The following HPSE variants were observed in gnomAD, a reference collection of about 807,000 sequenced individuals.
The protein encoded by HPSE is endo-glucoronidase.
HPSE carries 48 observed loss-of-function variants against 65.1 expected under a neutral mutation model. The ratio of observed to expected loss-of-function variants is 0.74; its 90% CI spans 0.58 to 0.94. The LOEUF (loss-of-function observed/expected upper bound fraction) is 0.94. Ranked by LOEUF, HPSE falls within the 40% of genes least tolerant of loss-of-function variation. HPSE has a pLI of 0.00. For synonymous variants in HPSE, 243 were observed against 260.0 expected (o/e 0.93, Z 0.63); for missense variants, 644 against 637.5 (o/e 1.01, Z -0.11).
rs1560504779 is a variant in HPSE at position 83,302,275 on chromosome 4, GTGGTGGT to G, written c.1207-14_1207-8del. ...GAAGAGATAGCCAATAATCCTAGTT[GTGGTGGT>G]TGGGGAGAAAGAGACAAAAATAGAT... On this transcript the variant is annotated splice_polypyrimidine_tract_variant and splice_region_variant and intron_variant, in intron 9 of 11. Coordinates refer to ENST00000311412, the MANE Select transcript of HPSE (RefSeq NM_001098540.3). The G allele has an allele frequency of 6.3e-7, 1 of 1,580,730 alleles. No homozygotes were observed. The highest frequency in any genetic ancestry group is 2.2e-5 in the East Asian group (1 of 44,660).
At chr4:83,302,420 T>TC (rs1304182035) in intron 9 of HPSE, 152 bp from the exon 10 acceptor site, 5 of 555,512 alleles carry the variant, frequency 9.0e-6, no homozygotes, top group Non-Finnish European at 9.6e-6. Context: ...TTTTTTTTTT[T>TC]CCCCTCACAT....
chr4:83,298,615 C>T (rs1463755098), intron 11 of HPSE, among the ~76,000 whole-genome samples: 1 of 151,934 alleles, frequency 6.6e-6, no homozygotes, highest in African/African-American at 2.4e-5. Context: ...ATCACTTGAG[C>T]TTAGGAGTTT....
At chr4:83,309,092 C>G in intron 7 of HPSE, 141 bp from the exon 8 acceptor site, 2 of 666,994 alleles carry the variant, frequency 3.0e-6, no homozygotes, top group South Asian at 4.0e-5. Flanking sequence ...TGTTCATAGT[C>G]ATTTAGGTCT....
intron 8 of HPSE, among the ~76,000 whole-genome samples, chr4:83,308,495 C>T (rs1736235221): frequency 6.6e-6 from 1 of 152,200 alleles, no homozygotes; most frequent in African/African-American, 2.4e-5. Context: ...AATCCTCCCA[C>T]CTTGGCCTCC....
At chr4:83,307,987 T>C (rs115264510) in intron 8 of HPSE, among the ~76,000 whole-genome samples, 2,398 of 152,316 alleles carry the variant, frequency 0.016, 71 homozygotes, top group African/African-American at 0.055. Context: ...ATAGCCCCTC[T>C]GGTGGGACCT....
chr4:83,320,709 T>G (rs1344980179), intron 2 of HPSE, among the ~76,000 whole-genome samples: 1 of 152,222 alleles, frequency 6.6e-6, no homozygotes, highest in East Asian at 1.9e-4. Context: ...AGCTGCACAC[T>G]GACTCGCTGG....
At chr4:83,331,412 T>C (rs1737366950) in intron 1 of HPSE, among the ~76,000 whole-genome samples, 1 of 152,196 alleles carries the variant, frequency 6.6e-6, no homozygotes, top group African/African-American at 2.4e-5. Flanking sequence ...ACCTTTTTAA[T>C]ATGGCTACTA....
At chr4:83,319,839 T>A (rs577904475) in intron 2 of HPSE, among the ~76,000 whole-genome samples, 1 of 152,066 alleles carries the variant, frequency 6.6e-6, no homozygotes, top group African/African-American at 2.4e-5. Flanking sequence ...GATGGGCGAA[T>A]CACTTGAGGT....
chr4:83,302,486 G>A (rs1317058374), intron 9 of HPSE, among the ~76,000 whole-genome samples: 1 of 151,460 alleles, frequency 6.6e-6, no homozygotes, highest in Admixed American at 6.6e-5. Flanking sequence ...ATCACTGGAG[G>A]ACACAATTCA....
At chr4:83,328,597 A>T (rs1578028453) in intron 1 of HPSE, among the ~76,000 whole-genome samples, 1 of 152,356 alleles carries the variant, frequency 6.6e-6, no homozygotes, top group Admixed American at 6.5e-5. Flanking sequence ...CCAACAAAGG[A>T]AGGCCATTGA....
rs1737547718 is a variant in HPSE at position 83,334,724 on chromosome 4, G to C, written c.59C>G (p.Pro20Arg). ...GGCGCCAGGGGAGAGGGGACCCAGCGGCCCCAGGAGCAGCAGCATCAGCGG... is the reference window on the plus strand; with the variant it reads ...GGCGCCAGGGGAGAGGGGACCCAGCCGCCCCAGGAGCAGCAGCATCAGCGG... ...PPPLMLLLLG[P>R]LGPLSPGALP... is the part of the protein sequence containing the mutation. The change falls in exon 1 of 12, where the codon CCG (proline) becomes CGG (arginine). Residue 20 changes from proline (P) to arginine (R), a missense_variant. Coordinates refer to ENST00000311412, the MANE Select transcript of HPSE (RefSeq NM_001098540.3). 1.3e-6 allele frequency: 2 copies of C among 1,563,326 alleles called. No individual in the cohort carries two copies. Among genetic ancestry groups the C allele is most frequent in the Admixed American group, 3.8e-5 (2 of 52,612 alleles).
Position 83,319,434 on chromosome 4 carries a change from CCA to C in HPSE, c.407_408del (p.Val136GlyfsTer67), listed in dbSNP as rs1560512598. 1 of 1,613,788 alleles carries C rather than the reference CCA, an allele frequency of 6.2e-7. No individual in the cohort carries two copies. The highest frequency in any genetic ancestry group is 2.2e-5 in the East Asian group (1 of 44,868). ...ICKYGSIPPD[V>X]EEKLRLEWPY... is the part of the protein sequence containing the mutation. ...GGCCATTCCAACCGTAACTTCTCCT[CCA>C]CATCAGGAGGGATGGATCCATATTT... On this transcript the variant is annotated frameshift_variant, in exon 3 of 12. Transcript: ENST00000311412. LOFTEE classifies it high-confidence loss of function.
chr4:83,307,706 G>A (rs1736195014), intron 8 of HPSE, among the ~76,000 whole-genome samples: 1 of 152,084 alleles, frequency 6.6e-6, no homozygotes, highest in East Asian at 1.9e-4. Context: ...CAGATCTTTA[G>A]TTAATGGCAA....
chr4:83,293,733 C>A lies in HPSE; in HGVS notation c.*1611G>T, dbSNP rs1327861520. 1 of 152,220 alleles carries A rather than the reference C, an allele frequency of 6.6e-6. No homozygotes were observed. The highest frequency in any genetic ancestry group is 2.4e-5 in the African/African-American group (1 of 41,446). The allele number at this position is 152,220 out of a possible 1,614,324, so 9.4% of individuals were successfully genotyped here. A position where few individuals can be genotyped will look rare whatever the true frequency, so the allele number is the denominator to read the frequency against. ...TTAAGTTTACAGAATCTCCTCGCCT[C>A]TGAATTGTCATTAACCATTTTTTAT... On this transcript the variant is annotated 3_prime_UTR_variant, in exon 12 of 12. Coordinates refer to ENST00000311412, the MANE Select transcript of HPSE (RefSeq NM_001098540.3).
At chr4:83,318,362 C>T (rs377375692) in intron 3 of HPSE, among the ~76,000 whole-genome samples, 23 of 152,014 alleles carry the variant, frequency 1.5e-4, no homozygotes, top group African/African-American at 4.6e-4. Flanking sequence ...TGGTGGCTCA[C>T]GCCTGTAATC....
At chr4:83,322,166 C>T in intron 2 of HPSE, 53 bp downstream of exon 2, 2 of 1,497,846 alleles carry the variant, frequency 1.3e-6, no homozygotes, top group South Asian at 2.3e-5. Context: ...AAAGCATTCT[C>T]ATGACGGACT....
At chr4:83,309,604 T>TAAA in intron 6 of HPSE, 109 bp from the exon 7 acceptor site, 1 of 680,566 alleles carries the variant, frequency 1.5e-6, no homozygotes, top group Admixed American at 3.0e-5. Context: ...CACCTGTTAC[T>TAAA]AAAAAAAGGT....
In HPSE at chr4:83,313,192, ACT is replaced by A. The variant is rs1404739486; in HGVS notation, c.593_594del (p.Gln198LeufsTer5). On this transcript the variant is annotated frameshift_variant, in exon 4 of 12. Coordinates refer to ENST00000311412, the MANE Select transcript of HPSE (RefSeq NM_001098540.3). LOFTEE classifies it high-confidence loss of function. Reference sequence around the variant, plus strand: ...AGCAACTGAGCATTAGAACTGTTCCACTGCAAATCTGCTGTTCTTAATAACGC... The same window carrying A: ...AGCAACTGAGCATTAGAACTGTTCCAGCAAATCTGCTGTTCTTAATAACGC... Reference protein sequence around the residue: ...LNALLRTADLQWNSSNAQLLL... With the variant: ...LNALLRTADLXWNSSNAQLLL... 3.7e-6 allele frequency: 6 copies of A among 1,613,824 alleles called. No individual in the cohort carries two copies. The highest frequency in any genetic ancestry group is 5.1e-6 in the Non-Finnish European group (6 of 1,179,826).
intron 1 of HPSE, among the ~76,000 whole-genome samples, chr4:83,331,541 G>A (rs1172543046): frequency 1.3e-5 from 2 of 152,168 alleles, no homozygotes; most frequent in Non-Finnish European, 1.5e-5. Flanking sequence ...TTAGGCTTAG[G>A]AAGTATTTTG....
Sources: gnomAD v4.1 joint callset for allele counts (sites outside exome capture counted in the v4.1 genomes callset) on GRCh38, gnomAD v4.1.1 for gene constraint, MANE v1.5 for transcripts, NCBI Gene and HGNC (gene_info 2026-07-23, HGNC 2026-07-21) for gene names.